Variants in LRP1B observed in about 807,000 individuals in gnomAD.
LRP1B encodes the protein LDL receptor related protein 1B.
In LRP1B, 217 loss-of-function variants were observed where a neutral mutation model predicts 556.6. That is an observed-to-expected ratio of 0.39 (90% confidence interval 0.35 to 0.44). LRP1B has a LOEUF of 0.44. Ranked by LOEUF, LRP1B falls within the 20% of genes least tolerant of loss-of-function variation. The pLI, the probability that LRP1B is intolerant of heterozygous loss-of-function variation, is 1.00. For missense variants in LRP1B, 5,053 were observed against 5,620.8 expected, an observed-to-expected ratio of 0.90 and a Z score of 3.23; for synonymous variants, 2,047 against 1,865.8, an observed-to-expected ratio of 1.10 and a Z score of -2.50.
intron 2 of LRP1B, among the ~76,000 whole-genome samples, chr2:141,797,167 ATATATATATATATATATAT>A (rs1695846986): frequency 2.3e-5 from 2 of 87,674 alleles, no homozygotes; most frequent in Non-Finnish European, 5.2e-5. Context: ...ATATATATAT[ATATATATATATATATATAT>A]AACTATATAT....
At chr2:140,321,287 A>AT (rs555770894) in intron 82 of LRP1B, among the ~76,000 whole-genome samples, 5 of 151,550 alleles carry the variant, frequency 3.3e-5, no homozygotes, top group Non-Finnish European at 4.4e-5. Flanking sequence ...TAATGTTTCA[A>AT]TTTTTATTGA....
At chr2:140,341,009 AAAGTT>A (rs1202732668) in intron 77 of LRP1B, among the ~76,000 whole-genome samples, 1 of 151,666 alleles carries the variant, frequency 6.6e-6, no homozygotes, top group Non-Finnish European at 1.5e-5. Context: ...AACACATAGA[AAAGTT>A]AAGAGAAGCA....
intron 14 of LRP1B, among the ~76,000 whole-genome samples, chr2:141,012,358 A>G (rs1697778283): frequency 6.6e-6 from 1 of 152,076 alleles, no homozygotes; most frequent in African/African-American, 2.4e-5. Context: ...CCTGAAAAGC[A>G]GATCTTTCAG....
intron 27 of LRP1B, among the ~76,000 whole-genome samples, chr2:140,857,867 C>G (rs892701990): frequency 6.6e-6 from 1 of 151,902 alleles, no homozygotes; most frequent in Non-Finnish European, 1.5e-5. Flanking sequence ...AACTTTCAGT[C>G]GTTCTAAAGA....
chr2:141,519,782 C>T (rs572323696), intron 2 of LRP1B, among the ~76,000 whole-genome samples: 12 of 152,062 alleles, frequency 7.9e-5, no homozygotes, highest in South Asian at 4.1e-4. Context: ...GGAAAAAAAG[C>T]GTTCTTTCTT....
intron 1 of LRP1B, among the ~76,000 whole-genome samples, chr2:141,845,333 C>A (rs1020237026): frequency 6.6e-6 from 1 of 151,692 alleles, no homozygotes; most frequent in Non-Finnish European, 1.5e-5. Context: ...TAAAAAACTG[C>A]TTGGAGGTAA....
In LRP1B at chr2:140,803,254, T is replaced by C. The variant is rs539768662; in HGVS notation, c.5359+10403A>G. On this transcript the variant is annotated intron_variant, in intron 32 of 90. Transcript: ENST00000389484. ...ATAAAAGTGGTCAGTATTAGTCCTA[T>C]TGAAAGTTTTTTTTTTTTTTTTTTT... Among the ~76,000 whole-genome samples the C allele has an allele frequency of 2.9e-4, 41 of 142,200 alleles. 1 individual carries two copies. The highest frequency in any genetic ancestry group is 4.5e-4 in the South Asian group (2 of 4,428). The allele number at this position is 142,200 out of a possible 152,430, so 93.3% of individuals were successfully genotyped here. A position where few individuals can be genotyped will look rare whatever the true frequency, so the allele number is the denominator to read the frequency against.
chr2:140,262,896 T>G (rs1033765237), intron 86 of LRP1B, among the ~76,000 whole-genome samples: 1 of 152,120 alleles, frequency 6.6e-6, no homozygotes, highest in African/African-American at 2.4e-5. Context: ...AAAGGGGCTA[T>G]GGAAATGTGC....
chr2:140,947,467 A>T (rs1206081592), intron 20 of LRP1B, among the ~76,000 whole-genome samples: 1 of 152,214 alleles, frequency 6.6e-6, no homozygotes, highest in Admixed American at 6.5e-5. Flanking sequence ...AACTCAAGCC[A>T]GAATCCCCTG....
intron 84 of LRP1B, among the ~76,000 whole-genome samples, chr2:140,275,256 T>A (rs996285912): frequency 1.3e-5 from 2 of 152,038 alleles, no homozygotes; most frequent in Non-Finnish European, 2.9e-5. Context: ...CTACCTGCTC[T>A]TGTTACCCAA....
chr2:142,100,430 A>G (rs1706532851), intron 1 of LRP1B, among the ~76,000 whole-genome samples: 1 of 151,970 alleles, frequency 6.6e-6, no homozygotes, highest in South Asian at 2.1e-4. Flanking sequence ...TTAGAAACTA[A>G]CATCTGCTGA....
intron 57 of LRP1B, among the ~76,000 whole-genome samples, chr2:140,489,422 T>G (rs1054861682): frequency 3.9e-5 from 6 of 152,056 alleles, no homozygotes; most frequent in East Asian, 3.9e-4. Context: ...GAATAATGAC[T>G]ATAAGTGCTA....
chr2:140,560,907 A>G (rs1330468975), intron 43 of LRP1B, among the ~76,000 whole-genome samples: 2 of 152,196 alleles, frequency 1.3e-5, no homozygotes, highest in African/African-American at 4.8e-5. Context: ...AACTATATAT[A>G]TACATGTTTG....
intron 7 of LRP1B, among the ~76,000 whole-genome samples, chr2:141,093,725 C>A (rs547494603): frequency 2.0e-5 from 3 of 151,694 alleles, no homozygotes; most frequent in South Asian, 2.1e-4. Context: ...AAAAAAACAA[C>A]AATTTTTTTT....
At chr2:141,256,698 A>G (rs183194174) in intron 3 of LRP1B, among the ~76,000 whole-genome samples, 2 of 152,266 alleles carry the variant, frequency 1.3e-5, no homozygotes, top group Admixed American at 1.3e-4. Flanking sequence ...ATTAAGTACA[A>G]CAGAAGTACT....
At chr2:140,499,614 G>A (rs1379672783) in intron 55 of LRP1B, among the ~76,000 whole-genome samples, 1 of 151,780 alleles carries the variant, frequency 6.6e-6, no homozygotes, top group African/African-American at 2.4e-5. Flanking sequence ...ATTGTTCCTA[G>A]GTTACAAACC....
At chr2:141,481,937 C>A (rs907379342) in intron 2 of LRP1B, among the ~76,000 whole-genome samples, 2 of 152,094 alleles carry the variant, frequency 1.3e-5, no homozygotes, top group African/African-American at 4.8e-5. Context: ...TTGGTAAATA[C>A]TTGTATCTCA....
In LRP1B at chr2:141,794,676, T is replaced by C. The variant is rs566642680; in HGVS notation, c.205+15603A>G. Among the ~76,000 whole-genome samples, 7 of 152,122 alleles carry C rather than the reference T, an allele frequency of 4.6e-5. No homozygotes were observed. The South Asian group carries it at 1.5e-3, about 32-fold the overall frequency. On this transcript the variant is annotated intron_variant, in intron 2 of 90. Transcript: ENST00000389484. ...ATGACAGCCTTCTATTCTCCACACA[T>C]AACAGACTTTTTTTACACCTTTCCA...
chr2:141,039,047 G>T (rs1698621565), intron 11 of LRP1B, among the ~76,000 whole-genome samples: 1 of 152,002 alleles, frequency 6.6e-6, no homozygotes, highest in Admixed American at 6.6e-5. Flanking sequence ...GAAAATTCCA[G>T]AAGTAAACAA....
Sources: allele counts gnomAD v4.1 joint callset (sites outside exome capture counted in the v4.1 genomes callset), GRCh38; gene constraint gnomAD v4.1.1; transcripts MANE v1.5; gene names NCBI Gene and HGNC (gene_info 2026-07-23, HGNC 2026-07-21).